Variants in NCOA7 observed in about 807,000 individuals in gnomAD.
NCOA7 encodes nuclear receptor coactivator 7, also known as 140 kDa estrogen receptor-associated protein.
In NCOA7, 45 loss-of-function variants were observed where a neutral mutation model predicts 104.3. That is an observed-to-expected ratio of 0.43 (90% CI 0.34 to 0.55). The LOEUF (loss-of-function observed/expected upper bound fraction) is 0.55. NCOA7 is among the 20% of genes least tolerant of loss of function. The probability of loss-of-function intolerance (pLI) is 0.02; values close to 1 mark genes in which losing one functional copy is unlikely to be tolerated. For missense variants in NCOA7, 1,041 were observed against 1,119.7 expected, an observed-to-expected ratio of 0.93 and a Z score of 1.00; for synonymous variants, 398 against 402.3, an observed-to-expected ratio of 0.99 and a Z score of 0.13.
chr6:125,786,629 T>G (rs957093041), upstream of NCOA7, among the ~76,000 whole-genome samples: 1 of 146,724 alleles, frequency 6.8e-6, no homozygotes, highest in African/African-American at 2.5e-5. Context: ...CAGGCTGGAG[T>G]GCATAAGCGC....
intron 13 of NCOA7, among the ~76,000 whole-genome samples, chr6:125,924,809 G>T (rs532810456): frequency 2.6e-5 from 4 of 152,270 alleles, no homozygotes; most frequent in Admixed American, 2.6e-4. Flanking sequence ...GGCATGTATG[G>T]CCAAGAAGAT....
At position 125,855,211 on chromosome 6, in the gene NCOA7, G is replaced by A. The variant is rs746636348; in HGVS notation, c.242G>A (p.Arg81His). Residue 81 changes from arginine (R) to histidine (H), a missense_variant, in exon 3 of 16, where the codon CGT becomes CAT. Arg to His is a conservative substitution (Grantham distance 29). Transcript: ENST00000392477. ...RKSNQLKEIRRTELKRYYSID... is the reference protein window; with the variant it reads ...RKSNQLKEIRHTELKRYYSID... ...AGTAATCAGTTAAAGGAGATCAGGC[G>A]TACAGAACTAAAGAGATATTATAGT... is the stretch of plus-strand genomic sequence containing the variant. The A allele has an allele frequency of 6.3e-5, 102 of 1,611,492 alleles. No individual in the cohort carries two copies. The highest frequency in any genetic ancestry group is 1.5e-4 in the Admixed American group (9 of 60,016).
rs1443978763 is a variant in NCOA7, at chr6:125,882,534, T to C, written c.682T>C (p.Tyr228His). 3.1e-6 allele frequency: 5 copies of C among 1,612,922 alleles called. No individual in the cohort carries two copies. Among genetic ancestry groups the C allele is most frequent in the African/African-American group, 2.7e-5 (2 of 74,938 alleles). ...VVKFLKMNCR[Y>H]FTDGKGVVGG... ...GAAATTTTTAAAAATGAATTGTCGATACTTCACCGATGGAAAGGTATATAG... is the reference window on the plus strand; with the variant it reads ...GAAATTTTTAAAAATGAATTGTCGACACTTCACCGATGGAAAGGTATATAG... Residue 228 changes from tyrosine (Y) to histidine (H), a missense_variant, in exon 7 of 16, where the codon TAC becomes CAC. Physicochemically the swap from Tyr to His is moderately conservative, Grantham distance 83. Transcript: ENST00000392477.
At chr6:125,839,599 A>G (rs1779946531) in intron 2 of NCOA7, among the ~76,000 whole-genome samples, 1 of 152,070 alleles carries the variant, frequency 6.6e-6, no homozygotes, top group Non-Finnish European at 1.5e-5. Context: ...ATGAGAATAC[A>G]AAAGACGCTC....
At chr6:125,790,456 C>A (rs1165988544), upstream of NCOA7, among the ~76,000 whole-genome samples, 1 of 152,198 alleles carries the variant, frequency 6.6e-6, no homozygotes, top group Admixed American at 6.5e-5. Flanking sequence ...CACAAAGGGC[C>A]GAGGCCTGCG....
intron 1 of NCOA7, among the ~76,000 whole-genome samples, chr6:125,799,047 G>A (rs1017159514): frequency 5.9e-5 from 9 of 152,074 alleles, no homozygotes; most frequent in Admixed American, 3.3e-4. Flanking sequence ...TAAAATGACT[G>A]AAGAGATTTT....
In NCOA7 at chr6:125,877,462, A is replaced by C. The variant is rs78869905; in HGVS notation, c.352-801A>C. The stretch of plus-strand genomic sequence containing the variant: ...AGAGTGACCTCCCACTAGCAAGTCT[A>C]TCTGGCAGCTCTGATCAGGGAGTTT... On this transcript the variant is annotated intron_variant, in intron 4 of 15. Coordinates refer to ENST00000392477, the MANE Select transcript of NCOA7 (RefSeq NM_181782.5). Among the ~76,000 whole-genome samples, 488 of 152,324 alleles carry C rather than the reference A, an allele frequency of 3.2e-3. 1 individual carries two copies. Among genetic ancestry groups the C allele is most frequent in the African/African-American group, 0.011 (464 of 41,568 alleles).
Position 125,889,098 on chromosome 6 carries a change from A to G in NCOA7, c.1044A>G (p.Ile348Met). The change falls in exon 9 of 16, where the codon ATA (isoleucine) becomes ATG (methionine). Residue 348 changes from isoleucine to methionine, a missense_variant. Coordinates refer to ENST00000392477, the MANE Select transcript of NCOA7 (RefSeq NM_181782.5). ...TTATGACTTCGGATTCCAGACCAATAGTACCTTTGGAGAAGTCCACAGGAC... is the reference window on the plus strand; with the variant it reads ...TTATGACTTCGGATTCCAGACCAATGGTACCTTTGGAGAAGTCCACAGGAC... ...EKIMTSDSRP[I>M]VPLEKSTGHT... 2 of 1,614,174 alleles carry G rather than the reference A, an allele frequency of 1.2e-6. No individual in the cohort carries two copies. The highest frequency in any genetic ancestry group is 1.7e-6 in the Non-Finnish European group (2 of 1,180,004).
intron 1 of NCOA7, among the ~76,000 whole-genome samples, chr6:125,784,443 TA>T (rs1774367477): frequency 6.6e-6 from 1 of 152,226 alleles, no homozygotes; most frequent in African/African-American, 2.4e-5. Context: ...TGATGGAATA[TA>T]AAATGGTATA....
intron 2 of NCOA7, among the ~76,000 whole-genome samples, chr6:125,846,278 A>G (rs1321421144): frequency 3.3e-5 from 5 of 152,110 alleles, no homozygotes; most frequent in African/African-American, 1.2e-4. Flanking sequence ...AGGAAAATGT[A>G]ATCAAATGTG....
intron 1 of NCOA7, among the ~76,000 whole-genome samples, chr6:125,792,446 A>G (rs1272937): frequency 0.06 from 9,106 of 152,246 alleles, 815 homozygotes; most frequent in African/African-American, 0.2. Context: ...CACAATTTAA[A>G]AAGTAAAAGT....
chr6:125,787,375 A>C, upstream of NCOA7, among the ~76,000 whole-genome samples: 1 of 152,170 alleles, frequency 6.6e-6, no homozygotes, highest in East Asian at 1.9e-4. Flanking sequence ...CTGTTTGGCA[A>C]TGTTTCTCTA....
At chr6:125,840,310 A>C (rs1308726270) in intron 2 of NCOA7, among the ~76,000 whole-genome samples, 2 of 152,150 alleles carry the variant, frequency 1.3e-5, no homozygotes, top group African/African-American at 2.4e-5. Context: ...AGTTATTTAA[A>C]AACTGATAAA....
intron 10 of NCOA7, among the ~76,000 whole-genome samples, chr6:125,894,004 C>T (rs184904252): frequency 3.3e-5 from 5 of 152,270 alleles, no homozygotes; most frequent in Admixed American, 3.3e-4. Flanking sequence ...CTGCAGTTTC[C>T]ACAACTCTAC....
chr6:125,842,049 G>A (rs1258776803), intron 2 of NCOA7, among the ~76,000 whole-genome samples: 1 of 152,146 alleles, frequency 6.6e-6, no homozygotes, highest in Non-Finnish European at 1.5e-5. Context: ...ATTTTTTAAA[G>A]TTGAGAGGAG....
chr6:125,885,164 G>A lies in NCOA7; in HGVS notation c.705G>A (p.Val235=), dbSNP rs1008752090. The A allele has an allele frequency of 1.2e-6, 2 of 1,613,798 alleles. No homozygotes were observed. Among genetic ancestry groups the A allele is most frequent in the African/African-American group, 2.7e-5 (2 of 74,906 alleles). The change falls in exon 8 of 16, where the codon GTG becomes GTA. Residue 235 remains valine (V), a synonymous_variant. Coordinates refer to ENST00000392477, the MANE Select transcript of NCOA7 (RefSeq NM_181782.5). ...NCRYFTDGKG[V]VGGVMIVTPN... ...CCTGTTGCTTTCTCCTGCAGGGTGT[G>A]GTTGGCGGTGTTATGATAGTGACTC...
At chr6:125,913,632 A>G in intron 10 of NCOA7, 8 of 983,330 alleles carry the variant, frequency 8.1e-6, no homozygotes, top group Non-Finnish European at 9.7e-6. Flanking sequence ...TTAGGTAACA[A>G]CAGTCCATGT....
intron 3 of NCOA7, among the ~76,000 whole-genome samples, chr6:125,871,146 G>A (rs768518117): frequency 2.6e-5 from 4 of 152,216 alleles, no homozygotes; most frequent in Admixed American, 2.0e-4. Context: ...TTAGGTTCTT[G>A]TACACGGGGA....
intron 2 of NCOA7, among the ~76,000 whole-genome samples, chr6:125,849,393 G>A (rs1323075441): frequency 2.6e-5 from 4 of 152,260 alleles, no homozygotes; most frequent in East Asian, 3.9e-4. Context: ...TAAGAAGCTC[G>A]CAATCATGGT....
Sources: gnomAD v4.1 joint callset for allele counts (sites outside exome capture counted in the v4.1 genomes callset) on GRCh38, gnomAD v4.1.1 for gene constraint, MANE v1.5 for transcripts, NCBI Gene and HGNC (gene_info 2026-07-23, HGNC 2026-07-21) for gene names.